Variants in PGM3 observed in about 807,000 individuals in gnomAD.
PGM3 encodes the protein phosphoacetylglucosamine mutase.
PGM3 carries 40 observed loss-of-function variants against 66.2 expected under a neutral mutation model. The ratio of observed to expected loss-of-function variants is 0.60; its 90% CI spans 0.47 to 0.79. The LOEUF (loss-of-function observed/expected upper bound fraction) is 0.79. PGM3 is among the 30% of genes least tolerant of loss of function. The probability of loss-of-function intolerance (pLI) is 0.00; values close to 1 mark genes in which losing one functional copy is unlikely to be tolerated. For missense variants in PGM3, 537 were observed against 643.4 expected (o/e 0.83, Z 1.79); for synonymous variants, 191 against 224.2 (o/e 0.85, Z 1.32).
downstream of PGM3, chr6:83,162,642 C>A (rs886801103): frequency 4.0e-5 from 31 of 784,112 alleles, no homozygotes; most frequent in Admixed American, 5.8e-4. Flanking sequence ...AAGAAACATA[C>A]CCAAAGTGAC....
At chr6:83,170,748 C>T in intron 11 of PGM3, 1 of 281,694 alleles carries the variant, frequency 3.5e-6, no homozygotes, top group Non-Finnish European at 6.6e-6. Context: ...TGACTAAGTC[C>T]CATATCACAC....
chr6:83,181,852 A>G lies in PGM3; in HGVS notation c.671T>C (p.Met224Thr), dbSNP rs1465408809. 2 of 1,613,870 alleles carry G rather than the reference A, an allele frequency of 1.2e-6. No individual in the cohort carries two copies. The highest frequency in any genetic ancestry group is 2.2e-5 in the East Asian group (1 of 44,890). The change falls in exon 6 of 13, where the codon ATG (methionine) becomes ACG (threonine). Residue 224 changes from methionine to threonine, a missense_variant. By Grantham distance (81) the Met-to-Thr change is moderately conservative. Transcript: ENST00000513973. ...NGIGALKLRE[M>T]EHYFSQGLSV... ...CAGGCCCTGTGAGAAGTAGTGTTCC[A>G]TTTCCCTTAGCTTCAGGGCCCCTAT...
At chr6:83,157,078 T>G, downstream of PGM3, 3 of 1,151,772 alleles carry the variant, frequency 2.6e-6, no homozygotes, top group Admixed American at 8.6e-5. Context: ...TTTTTAAAGT[T>G]TATCCTTTAC....
chr6:83,157,268 A>C, downstream of PGM3: 1 of 1,614,012 alleles, frequency 6.2e-7, no homozygotes, highest in Non-Finnish European at 8.5e-7. Flanking sequence ...ACTTTTAAGA[A>C]TGTCTCCCCA....
chr6:83,186,912 TG>T (rs1788624483), intron 4 of PGM3, 95 bp downstream of exon 4: 2 of 641,974 alleles, frequency 3.1e-6, no homozygotes, highest in Non-Finnish European at 5.3e-6. Context: ...TTTGTTCATC[TG>T]TATTTTCAAA....
chr6:83,192,558 A>G (rs1434404225), intron 1 of PGM3, among the ~76,000 whole-genome samples: 1 of 152,228 alleles, frequency 6.6e-6, no homozygotes, highest in Non-Finnish European at 1.5e-5. Flanking sequence ...AAAAGCTGGC[A>G]TTCAGTAAAC....
chr6:83,163,101 CGTATGTATTTTAA>C (rs1413642605), downstream of PGM3, among the ~76,000 whole-genome samples: 1 of 151,866 alleles, frequency 6.6e-6, no homozygotes, highest in East Asian at 1.9e-4. Flanking sequence ...GAAAACATAT[CGTATGTATTTTAA>C]AGGAATATGC....
chr6:83,162,623 A>C (rs1475933530), downstream of PGM3, among the ~76,000 whole-genome samples: 2 of 152,182 alleles, frequency 1.3e-5, no homozygotes, highest in Admixed American at 1.3e-4. Flanking sequence ...ATGAAGGCTC[A>C]GAGAGGTTAA....
At chr6:83,169,739 C>T (rs1012179782) in intron 12 of PGM3, 4 of 458,260 alleles carry the variant, frequency 8.7e-6, no homozygotes, top group Admixed American at 2.3e-5. Flanking sequence ...CCTCCTGATT[C>T]CCTATTCAGC....
chr6:83,165,718 G>T lies in PGM3; in HGVS notation c.*3516C>A, dbSNP rs1562394890. 2 of 226,696 alleles carry T rather than the reference G, an allele frequency of 8.8e-6. No homozygotes were observed. The highest frequency in any genetic ancestry group is 1.2e-4 in the South Asian group (2 of 16,772). The allele number at this position is 226,696 out of a possible 1,614,324, so 14.0% of individuals were successfully genotyped here. ...GGCAAGAGGTCAGGTGAATATGGCA[G>T]ATGAGGCAAAACTTCATAGCCCAAT... is the stretch of plus-strand genomic sequence containing the variant. On this transcript the variant is annotated 3_prime_UTR_variant, in exon 13 of 13. Coordinates refer to ENST00000513973, the MANE Select transcript of PGM3 (RefSeq NM_015599.3).
the PGM3 span, among the ~76,000 whole-genome samples, chr6:83,149,987 A>AG: frequency 8.5e-5 from 13 of 152,172 alleles, no homozygotes; most frequent in African/African-American, 3.1e-4. Context: ...GATTTTGGAG[A>AG]GAGGGTTTGG....
intron 3 of PGM3, 145 bp from the exon 4 acceptor site, chr6:83,187,220 G>C: frequency 3.8e-6 from 2 of 519,620 alleles, no homozygotes. Flanking sequence ...GAACTCTCAA[G>C]ATAACTGGTA....
downstream of PGM3, among the ~76,000 whole-genome samples, chr6:83,158,281 G>A (rs1783315153): frequency 6.6e-6 from 1 of 152,080 alleles, no homozygotes; most frequent in Non-Finnish European, 1.5e-5. Context: ...GATTACAGGT[G>A]TGAGCCACCA....
downstream of PGM3, among the ~76,000 whole-genome samples, chr6:83,162,593 A>C (rs1039545268): frequency 6.6e-6 from 1 of 152,200 alleles, no homozygotes; most frequent in African/African-American, 2.4e-5. Flanking sequence ...TGAGGTAGTT[A>C]ATAGTATCTT....
the PGM3 span, among the ~76,000 whole-genome samples, chr6:83,151,146 A>G: frequency 1.3e-5 from 2 of 152,156 alleles, no homozygotes; most frequent in African/African-American, 4.8e-5. Flanking sequence ...TAGTATTTGA[A>G]CATTCTGCAA....
the PGM3 span, chr6:83,151,877 T>G: frequency 1.2e-6 from 2 of 1,613,332 alleles, no homozygotes; most frequent in Non-Finnish European, 1.7e-6. Flanking sequence ...TTCCTTATTT[T>G]TTTAGGATGT....
rs267608261 is a variant in PGM3, at chr6:83,170,340, C to T, written c.1504G>A (p.Asp502Asn). 6.2e-7 allele frequency: 1 copy of T among 1,614,064 alleles called. No homozygotes were observed. Among genetic ancestry groups the T allele is most frequent in the African/African-American group, 1.3e-5 (1 of 74,928 alleles). Residue 502 changes from aspartate (D) to asparagine (N), a missense_variant, in exon 12 of 13, where the codon GAT (aspartate) becomes AAT (asparagine). Coordinates refer to ENST00000513973, the MANE Select transcript of PGM3 (RefSeq NM_015599.3). ...RAFVRPSGTE[D>N]VVRVYAEADS... ...GCTTCTGCATATACTCGGACGACAT[C>T]TTCTGTACCAGAGGGCCGGACAAAA...
chr6:83,193,566 T>C (rs559674945), upstream of PGM3: 6 of 152,184 alleles, frequency 3.9e-5, no homozygotes, highest in East Asian at 1.2e-3. Context: ...GGCCCTGCGT[T>C]CCTGGGAAGC....
rs138246325 is a variant in PGM3 at position 83,170,365 on chromosome 6, A to T, written c.1479T>A (p.Ala493=). Residue 493 remains alanine, a synonymous_variant, in exon 12 of 13, where the codon GCT becomes GCA. Coordinates refer to ENST00000513973, the MANE Select transcript of PGM3 (RefSeq NM_015599.3). ...CTTCTGTACCAGAGGGCCGGACAAA[A>T]GCTCGAGAAAGCTTGTACTTCTTCA... The part of the protein sequence containing the change: ...DLVKKYKLSR[A]FVRPSGTEDV... 1.2e-6 allele frequency: 2 copies of T among 1,614,010 alleles called. No individual in the cohort carries two copies. The highest frequency in any genetic ancestry group is 2.7e-5 in the African/African-American group (2 of 74,916).
Sources: allele counts gnomAD v4.1 joint callset (sites outside exome capture counted in the v4.1 genomes callset), GRCh38; gene constraint gnomAD v4.1.1; transcripts MANE v1.5; gene names NCBI Gene and HGNC (gene_info 2026-07-23, HGNC 2026-07-21).